Variants in MYH15 observed in about 807,000 individuals in gnomAD.
MYH15 encodes the protein myosin-15.
In MYH15, 227 loss-of-function variants were observed where a neutral mutation model predicts 240.5. That is an observed-to-expected ratio of 0.94 (90% confidence interval 0.85 to 1.05). MYH15 has a LOEUF of 1.05. MYH15 is among the 50% of genes least tolerant of loss of function. MYH15 has a pLI of 0.00. For synonymous variants in MYH15, 785 were observed against 796.7 expected (o/e 0.99, Z 0.25); for missense variants, 2,217 against 2,247.5 (o/e 0.99, Z 0.27).
intron 7 of MYH15, among the ~76,000 whole-genome samples, chr3:108,494,535 C>T (rs1041409600): frequency 5.9e-5 from 9 of 152,052 alleles, no homozygotes; most frequent in African/African-American, 2.2e-4. Flanking sequence ...TACTCTGTTA[C>T]CCAGCAGGAG....
intron 3 of MYH15, 74 bp downstream of exon 3, chr3:108,501,638 G>A (rs1257433358): frequency 6.3e-7 from 1 of 1,577,620 alleles, no homozygotes; most frequent in African/African-American, 1.3e-5. Context: ...CAATGTAAGA[G>A]ATCACCCAGG....
At chr3:108,475,319 T>C (rs2083211333) in intron 12 of MYH15, among the ~76,000 whole-genome samples, 1 of 152,184 alleles carries the variant, frequency 6.6e-6, no homozygotes, top group Non-Finnish European at 1.5e-5. Flanking sequence ...TATGCATTTC[T>C]GCCCTACTTA....
At chr3:108,387,342 G>T (rs976530839) in intron 38 of MYH15, among the ~76,000 whole-genome samples, 1 of 152,148 alleles carries the variant, frequency 6.6e-6, no homozygotes, top group Non-Finnish European at 1.5e-5. Context: ...AACTTACAGG[G>T]TCTAGCCTAA....
chr3:108,493,194 A>G lies in MYH15; in HGVS notation c.712-17T>C. The G allele has an allele frequency of 1.2e-6, 2 of 1,608,572 alleles. No homozygotes were observed. Among genetic ancestry groups the G allele is most frequent in the Non-Finnish European group, 1.7e-6 (2 of 1,175,090 alleles). On this transcript the variant is annotated splice_polypyrimidine_tract_variant and intron_variant, in intron 7 of 40. Transcript: ENST00000693548. ...GAATTTGCCCTAGTGTGGACACAGA[A>G]CACAGTCAGACACAAAACACAGTTT...
chr3:108,460,999 T>C (rs1201198841), intron 16 of MYH15, among the ~76,000 whole-genome samples: 5 of 152,202 alleles, frequency 3.3e-5, no homozygotes, highest in African/African-American at 7.2e-5. Context: ...GTATTTATTT[T>C]CATGATTTAT....
At chr3:108,460,018 C>G (rs1312259230) in intron 17 of MYH15, among the ~76,000 whole-genome samples, 1 of 152,144 alleles carries the variant, frequency 6.6e-6, no homozygotes, top group Non-Finnish European at 1.5e-5. Flanking sequence ...AAAGAGGCAG[C>G]TTAGTTTCCC....
chr3:108,426,316 G>A (rs1455117354), intron 27 of MYH15, among the ~76,000 whole-genome samples: 1 of 151,972 alleles, frequency 6.6e-6, no homozygotes, highest in African/African-American at 2.4e-5. Context: ...TAATGACCCT[G>A]AAGGCATTTC....
the MYH15 span, among the ~76,000 whole-genome samples, chr3:108,545,548 C>T: frequency 3.3e-5 from 5 of 152,056 alleles, no homozygotes; most frequent in Non-Finnish European, 5.9e-5. Context: ...AGAGCCAGAA[C>T]TCAAATCTAG....
At chr3:108,547,061 T>C in the MYH15 span, among the ~76,000 whole-genome samples, 4 of 151,958 alleles carry the variant, frequency 2.6e-5, no homozygotes, top group Non-Finnish European at 5.9e-5. Flanking sequence ...ATGAAACATC[T>C]GCCTTTAAAA....
rs921493983 is a variant in MYH15, at chr3:108,493,239, C to T, written c.712-62G>A. 35 of 1,307,368 alleles carry T rather than the reference C, an allele frequency of 2.7e-5. No individual in the cohort carries two copies. The Middle Eastern group carries it at 5.5e-4, about 21-fold the overall frequency. 81.0% of individuals were successfully genotyped at this position (1,307,368 alleles called of 1,614,324 possible). On this transcript the variant is annotated intron_variant, in intron 7 of 40. Transcript: ENST00000693548. ...CAGTTTCCTATTCACATTTTCCAAG[C>T]ACTTGCAATGGCTTCATTATATGTA...
chr3:108,506,856 C>G (rs2107246971), intron 1 of MYH15, among the ~76,000 whole-genome samples: 1 of 152,256 alleles, frequency 6.6e-6, no homozygotes, highest in East Asian at 1.9e-4. Flanking sequence ...CATGGTGAAA[C>G]CCCATTTCTA....
At chr3:108,453,522 G>A (rs1285014216) in intron 21 of MYH15, among the ~76,000 whole-genome samples, 1 of 152,206 alleles carries the variant, frequency 6.6e-6, no homozygotes. Flanking sequence ...CAAGCATGGT[G>A]ATAAATGTCC....
At chr3:108,502,903 G>A (rs61306780) in intron 2 of MYH15, among the ~76,000 whole-genome samples, 23,863 of 151,996 alleles carry the variant, frequency 0.16, 2,100 homozygotes, top group South Asian at 0.26. Context: ...CATGCAGAAC[G>A]TAAACATATC....
chr3:108,535,661 T>G, the MYH15 span, among the ~76,000 whole-genome samples: 703 of 152,274 alleles, frequency 4.6e-3, 3 homozygotes, highest in African/African-American at 0.015. Flanking sequence ...ACTAAGGAGA[T>G]TCTAACAATG....
rs557107009 is a variant in MYH15 at position 108,442,754 on chromosome 3, A to G, written c.2656-1494T>C. ...CTGCTGGAATTTTGACTAAGCAAAG[A>G]AGGATTTCAAAATATTTCTTTTTTT... On this transcript the variant is annotated intron_variant, in intron 22 of 40. Transcript: ENST00000693548. Among the ~76,000 whole-genome samples the G allele has an allele frequency of 1.4e-3, 195 of 134,744 alleles. 1 individual carries two copies. Among genetic ancestry groups the G allele is most frequent in the African/African-American group, 5.3e-3 (191 of 36,008 alleles). 88.4% of individuals were successfully genotyped at this position (134,744 alleles called of 152,430 possible). A position where few individuals can be genotyped will look rare whatever the true frequency, so the allele number is the denominator to read the frequency against.
intron 40 of MYH15, among the ~76,000 whole-genome samples, chr3:108,382,995 C>G (rs2082354260): frequency 6.6e-6 from 1 of 152,092 alleles, no homozygotes; most frequent in Admixed American, 6.6e-5. Context: ...GTCACTCTAC[C>G]AGTAAAATCA....
intron 14 of MYH15, among the ~76,000 whole-genome samples, chr3:108,469,224 G>T (rs542590756): frequency 6.6e-6 from 1 of 152,292 alleles, no homozygotes; most frequent in South Asian, 2.1e-4. Context: ...TTCCTAGCAG[G>T]ATTGTTGAGA....
chr3:108,483,451 T>C (rs2083282763), intron 11 of MYH15, among the ~76,000 whole-genome samples: 1 of 149,502 alleles, frequency 6.7e-6, no homozygotes, highest in Non-Finnish European at 1.5e-5. Flanking sequence ...AAACAACAAA[T>C]GTTGGCATGG....
Position 108,464,689 on chromosome 3 carries a change from A to G in MYH15, c.1680T>C (p.Pro560=). Residue 560 remains proline (P), a synonymous_variant, in exon 15 of 41, where the codon CCT becomes CCC. Coordinates refer to ENST00000693548, the MANE Select transcript of MYH15 (RefSeq NM_014981.3). ...GKSVHLQKPK[P]DKKKFEAHFE... ...AATGAGCTTCAAATTTCTTCTTATC[A>G]GGCTTGGGCTTCTGGAGATGAACCG... 6.2e-7 allele frequency: 1 copy of G among 1,613,652 alleles called. No individual in the cohort carries two copies. The highest frequency in any genetic ancestry group is 8.5e-7 in the Non-Finnish European group (1 of 1,179,774).
Sources: gnomAD v4.1 joint callset for allele counts (sites outside exome capture counted in the v4.1 genomes callset) on GRCh38, gnomAD v4.1.1 for gene constraint, MANE v1.5 for transcripts, NCBI Gene and HGNC (gene_info 2026-07-23, HGNC 2026-07-21) for gene names.